Variants in PXDNL observed in about 807,000 individuals in gnomAD.
PXDNL encodes the protein peroxidasin like.
PXDNL carries 145 observed loss-of-function variants against 150.8 expected under a neutral mutation model. That is an observed-to-expected ratio of 0.96 (90% CI 0.84 to 1.10). The LOEUF (loss-of-function observed/expected upper bound fraction) is 1.10, where lower values mean the gene tolerates loss of function less well. Ranked by LOEUF, PXDNL falls within the 50% of genes least tolerant of loss-of-function variation. PXDNL has a pLI of 0.00. For missense variants in PXDNL, 2,087 were observed against 1,873.9 expected (o/e 1.11, Z -2.10); for synonymous variants, 757 against 725.7 (o/e 1.04, Z -0.69).
chr8:51,790,461 CCTTT>C (rs1456228710), intron 1 of PXDNL, among the ~76,000 whole-genome samples: 1 of 152,212 alleles, frequency 6.6e-6, no homozygotes, highest in Non-Finnish European at 1.5e-5. Flanking sequence ...GGTTCTACCA[CCTTT>C]CTAAGATAAA....
At chr8:51,547,925 T>C (rs904816399) in intron 4 of PXDNL, among the ~76,000 whole-genome samples, 5 of 152,032 alleles carry the variant, frequency 3.3e-5, no homozygotes, top group Admixed American at 6.6e-5. Flanking sequence ...GTGAAGAAGA[T>C]ATTTTTTAAA....
At chr8:51,560,491 C>A (rs1183200463) in intron 3 of PXDNL, among the ~76,000 whole-genome samples, 7 of 151,862 alleles carry the variant, frequency 4.6e-5, no homozygotes, top group African/African-American at 1.7e-4. Context: ...AGGAAGTCCA[C>A]AAATAAGCCC....
At chr8:51,567,631 C>A (rs1181660211) in intron 3 of PXDNL, among the ~76,000 whole-genome samples, 1 of 151,744 alleles carries the variant, frequency 6.6e-6, no homozygotes, top group Admixed American at 6.6e-5. Flanking sequence ...CTTTCTCCAT[C>A]TCTTTATTTT....
chr8:51,531,583 C>G (rs541085815), intron 4 of PXDNL, among the ~76,000 whole-genome samples: 2 of 152,272 alleles, frequency 1.3e-5, no homozygotes, highest in South Asian at 4.2e-4. Context: ...AAGGCATGAA[C>G]ACAGAGCTCT....
intron 2 of PXDNL, among the ~76,000 whole-genome samples, chr8:51,639,159 C>A (rs1308471645): frequency 6.6e-6 from 1 of 152,096 alleles, no homozygotes; most frequent in African/African-American, 2.4e-5. Context: ...CCAAGGAGAA[C>A]AAAGACACAA....
At chr8:51,419,476 T>A (rs1475149873) in intron 14 of PXDNL, among the ~76,000 whole-genome samples, 1 of 152,212 alleles carries the variant, frequency 6.6e-6, no homozygotes, top group East Asian at 1.9e-4. Flanking sequence ...GTCCATCTTT[T>A]TAAAAAATAA....
chr8:51,805,068 TCA>T (rs1019715945), intron 1 of PXDNL, among the ~76,000 whole-genome samples: 5 of 151,836 alleles, frequency 3.3e-5, no homozygotes, highest in African/African-American at 1.2e-4. Context: ...CAGCCCACTT[TCA>T]GTTTCATTTC....
At chr8:51,599,259 T>G (rs1813640759) in intron 2 of PXDNL, among the ~76,000 whole-genome samples, 1 of 152,040 alleles carries the variant, frequency 6.6e-6, no homozygotes, top group Non-Finnish European at 1.5e-5. Flanking sequence ...TTTATTTACT[T>G]CTTTTCTCCT....
intron 3 of PXDNL, 96 bp from the exon 4 acceptor site, chr8:51,557,007 G>A: frequency 1.5e-6 from 1 of 685,854 alleles, no homozygotes; most frequent in East Asian, 2.7e-5. Flanking sequence ...TGGACCTTAG[G>A]AGCTTTGTGG....
Position 51,408,291 on chromosome 8 carries a change from C to A in PXDNL, c.3333G>T (p.Trp1111Cys). The change falls in exon 17 of 23, where the codon TGG (tryptophan) becomes TGT (cysteine). Residue 1111 changes from tryptophan (W) to cysteine (C), a missense_variant. By Grantham distance (215) the Trp-to-Cys change is radical (BLOSUM62 -2). Transcript: ENST00000356297. ...GACTGAGAAGGTAGGAGGGTGCCCG[C>A]CATTTAGCAGCCACGCCAAACAGCC... ...LRGLFGVAAK[W>C]RAPSYLLSPE... 6.2e-7 allele frequency: 1 copy of A among 1,613,946 alleles called. No homozygotes were observed. Among genetic ancestry groups the A allele is most frequent in the Non-Finnish European group, 8.5e-7 (1 of 1,179,858 alleles).
intron 1 of PXDNL, among the ~76,000 whole-genome samples, chr8:51,762,808 A>G (rs1424684698): frequency 6.6e-6 from 1 of 152,194 alleles, no homozygotes; most frequent in African/African-American, 2.4e-5. Context: ...GGCTCAGAAT[A>G]AATCACTTAA....
intron 1 of PXDNL, among the ~76,000 whole-genome samples, chr8:51,674,713 C>T (rs1434212701): frequency 6.6e-6 from 1 of 152,206 alleles, no homozygotes; most frequent in African/African-American, 2.4e-5. Flanking sequence ...CCATACCCAT[C>T]ACGGCAGCAA....
At chr8:51,559,342 C>CCT (rs1554552760) in intron 3 of PXDNL, among the ~76,000 whole-genome samples, 1 of 141,608 alleles carries the variant, frequency 7.1e-6, no homozygotes, top group East Asian at 2.3e-4. Context: ...CCCCCCCCCC[C>CCT]CCGCCACCTT....
chr8:51,666,892 C>T (rs1433595206), intron 1 of PXDNL, among the ~76,000 whole-genome samples: 1 of 152,176 alleles, frequency 6.6e-6, no homozygotes, highest in Non-Finnish European at 1.5e-5. Flanking sequence ...TAAAATCCTT[C>T]CAGGCATGGC....
intron 4 of PXDNL, among the ~76,000 whole-genome samples, chr8:51,548,757 A>G (rs185918475): frequency 3.2e-4 from 49 of 152,274 alleles, no homozygotes; most frequent in Admixed American, 1.6e-3. Flanking sequence ...CCTATAAAAC[A>G]TAACACAGTG....
chr8:51,791,277 C>G (rs899077478), intron 1 of PXDNL, among the ~76,000 whole-genome samples: 3 of 152,170 alleles, frequency 2.0e-5, no homozygotes, highest in Non-Finnish European at 4.4e-5. Context: ...AGAGAAAGAC[C>G]GGTAGATCAT....
intron 19 of PXDNL, among the ~76,000 whole-genome samples, chr8:51,354,406 C>T (rs995643716): frequency 6.6e-6 from 1 of 152,130 alleles, no homozygotes; most frequent in East Asian, 1.9e-4. Flanking sequence ...TGTTTAATTG[C>T]ACCTGCAATG....
At chr8:51,417,260 A>G (rs1563403284) in intron 14 of PXDNL, among the ~76,000 whole-genome samples, 1 of 152,232 alleles carries the variant, frequency 6.6e-6, no homozygotes, top group Non-Finnish European at 1.5e-5. Context: ...GTCTCAGGGT[A>G]ATAAAAATGA....
intron 1 of PXDNL, among the ~76,000 whole-genome samples, chr8:51,657,079 C>T (rs968075209): frequency 9.9e-5 from 15 of 152,206 alleles, no homozygotes; most frequent in Non-Finnish European, 1.5e-4. Flanking sequence ...AACATCATAG[C>T]TTAGCCTAGC....
Sources: gnomAD v4.1 joint callset for allele counts (sites outside exome capture counted in the v4.1 genomes callset) on GRCh38, gnomAD v4.1.1 for gene constraint, MANE v1.5 for transcripts, NCBI Gene and HGNC (gene_info 2026-07-23, HGNC 2026-07-21) for gene names.